The following NCKAP5 variants were observed in gnomAD, a reference collection of about 807,000 sequenced individuals.
NCKAP5 encodes the protein nck-associated protein 5.
In NCKAP5, 92 loss-of-function variants were observed where a neutral mutation model predicts 167.0. The observed-to-expected ratio is 0.55, with a 90% CI of 0.47 to 0.66. The LOEUF is 0.66. Ranked by LOEUF, NCKAP5 falls within the 30% of genes least tolerant of loss-of-function variation. NCKAP5 has a pLI of 0.00. For synonymous variants in NCKAP5, 891 were observed against 877.4 expected (o/e 1.02, Z -0.27); for missense variants, 2,378 against 2,315.0 (o/e 1.03, Z -0.56).
At position 132,916,285 on chromosome 2, in the gene NCKAP5, G is replaced by A. The variant is rs751893834; in HGVS notation, c.580-37369C>T. ...TAGACTGACCACAGAATTTATGATC[G>A]AATGTGACAGAGGGCGTTAGCTGGA... On this transcript the variant is annotated intron_variant, in intron 8 of 19. Transcript: ENST00000409261. 1.1e-4 allele frequency among the ~76,000 whole-genome samples: 17 copies of A among 152,094 alleles called. 1 individual carries two copies. Among genetic ancestry groups the A allele is most frequent in the South Asian group, 2.1e-4 (1 of 4,810 alleles).
intron 19 of NCKAP5, among the ~76,000 whole-genome samples, chr2:132,717,922 C>T (rs1281943411): frequency 6.6e-6 from 1 of 152,104 alleles, no homozygotes; most frequent in Non-Finnish European, 1.5e-5. Flanking sequence ...AAACTGAGCC[C>T]TTTGTTGTGG....
At chr2:132,974,619 A>T (rs997789197) in intron 7 of NCKAP5, among the ~76,000 whole-genome samples, 6 of 152,152 alleles carry the variant, frequency 3.9e-5, no homozygotes, top group African/African-American at 1.4e-4. Flanking sequence ...AGACTCGGTG[A>T]CCTCTTTTGG....
At chr2:132,864,184 C>T (rs1315040259) in intron 10 of NCKAP5, among the ~76,000 whole-genome samples, 7 of 152,168 alleles carry the variant, frequency 4.6e-5, no homozygotes, top group Non-Finnish European at 8.8e-5. Context: ...TATGTATCCT[C>T]TCTCATAATC....
At chr2:133,649,654 T>A in the NCKAP5 span, among the ~76,000 whole-genome samples, 13 of 152,080 alleles carry the variant, frequency 8.5e-5, no homozygotes, top group Admixed American at 8.5e-4. Flanking sequence ...ATTATTTCAA[T>A]AGATATAGAA....
At chr2:133,033,759 G>A (rs1272745903) in intron 6 of NCKAP5, among the ~76,000 whole-genome samples, 1 of 151,874 alleles carries the variant, frequency 6.6e-6, no homozygotes, top group East Asian at 1.9e-4. Context: ...CAGCAGAATT[G>A]GTCAAGCAGA....
intron 16 of NCKAP5, among the ~76,000 whole-genome samples, chr2:132,768,408 T>C (rs918699286): frequency 6.6e-6 from 1 of 152,156 alleles, no homozygotes; most frequent in Non-Finnish European, 1.5e-5. Flanking sequence ...AGTAGACAAT[T>C]AGTACAATAC....
chr2:133,384,599 A>C (rs1221746416), intron 3 of NCKAP5, among the ~76,000 whole-genome samples: 1 of 152,186 alleles, frequency 6.6e-6, no homozygotes, highest in South Asian at 2.1e-4. Flanking sequence ...GAAGAAAGGC[A>C]TTGGTAGCTT....
intron 19 of NCKAP5, among the ~76,000 whole-genome samples, chr2:132,721,616 T>C (rs1032263818): frequency 6.6e-6 from 1 of 152,230 alleles, no homozygotes; most frequent in Admixed American, 6.5e-5. Context: ...GTTTCTATTT[T>C]CTTTTTATAC....
At chr2:132,678,509 C>A (rs1252029997) in intron 19 of NCKAP5, among the ~76,000 whole-genome samples, 3 of 152,196 alleles carry the variant, frequency 2.0e-5, no homozygotes, top group South Asian at 4.2e-4. Context: ...AACATAATTT[C>A]TTATTTCTCT....
At chr2:132,817,115 A>T (rs1275655455) in intron 11 of NCKAP5, among the ~76,000 whole-genome samples, 6 of 152,224 alleles carry the variant, frequency 3.9e-5, no homozygotes, top group Non-Finnish European at 8.8e-5. Context: ...ACTATGCCAC[A>T]TGGCACCAAA....
Position 132,783,170 on chromosome 2 carries a change from T to C in NCKAP5, c.3641A>G (p.Gln1214Arg). The C allele has an allele frequency of 6.2e-7, 1 of 1,613,830 alleles. No individual in the cohort carries two copies. Among genetic ancestry groups the C allele is most frequent in the Non-Finnish European group, 8.5e-7 (1 of 1,179,838 alleles). Residue 1214 changes from glutamine (Q) to arginine (R), a missense_variant, in exon 14 of 20, where the codon CAA (glutamine) becomes CGA (arginine). Around this residue, in one of 3 missense-constraint regions of NCKAP5, gnomAD observed 1,325 missense variants for 1,274.5 expected, o/e 1.04. Coordinates refer to ENST00000409261, the MANE Select transcript of NCKAP5 (RefSeq NM_207363.3). ...CCCATCAGCTAAACTGCCCTGTGCT[T>C]GTGAATCCGGTAGGGTCACATTTCT... The part of the protein sequence containing the change: ...GERNVTLPDS[Q>R]AQGSLADGLP...
chr2:132,842,482 G>T (rs1688360174), intron 11 of NCKAP5, among the ~76,000 whole-genome samples: 1 of 151,448 alleles, frequency 6.6e-6, no homozygotes, highest in African/African-American at 2.4e-5. Context: ...AATAAATTTT[G>T]CTACTTTATT....
At chr2:132,685,706 C>A (rs1212077472) in intron 19 of NCKAP5, among the ~76,000 whole-genome samples, 1 of 152,134 alleles carries the variant, frequency 6.6e-6, no homozygotes, top group Non-Finnish European at 1.5e-5. Flanking sequence ...GCAAAAGAAG[C>A]TTTCTGTCTG....
intron 11 of NCKAP5, among the ~76,000 whole-genome samples, chr2:132,802,306 G>T (rs1685104209): frequency 6.6e-6 from 1 of 152,166 alleles, no homozygotes; most frequent in South Asian, 2.1e-4. Flanking sequence ...AAATCTAGTG[G>T]ACTGGATGTT....
At chr2:133,370,480 G>A (rs1685731963) in intron 3 of NCKAP5, among the ~76,000 whole-genome samples, 1 of 152,108 alleles carries the variant, frequency 6.6e-6, no homozygotes, top group Non-Finnish European at 1.5e-5. Flanking sequence ...AATATAAAGG[G>A]TAAGTAGAGG....
intron 3 of NCKAP5, among the ~76,000 whole-genome samples, chr2:133,468,234 G>A (rs942293144): frequency 2.1e-5 from 3 of 140,104 alleles, no homozygotes; most frequent in Non-Finnish European, 4.6e-5. Flanking sequence ...TGGTTTCAAA[G>A]AACATTTTTA....
intron 6 of NCKAP5, among the ~76,000 whole-genome samples, chr2:133,110,555 G>A (rs572560852): frequency 3.9e-5 from 6 of 152,248 alleles, no homozygotes; most frequent in African/African-American, 1.2e-4. Context: ...CTGTTAGGGC[G>A]AGAAAAAGCA....
chr2:133,088,776 C>T (rs562605068), intron 6 of NCKAP5, among the ~76,000 whole-genome samples: 19 of 152,140 alleles, frequency 1.2e-4, no homozygotes, highest in Admixed American at 3.3e-4. Flanking sequence ...TGTAATAAAA[C>T]GATATGTACA....
chr2:133,223,393 C>T (rs184971328), intron 4 of NCKAP5, among the ~76,000 whole-genome samples: 1 of 152,232 alleles, frequency 6.6e-6, no homozygotes, highest in Non-Finnish European at 1.5e-5. Context: ...TCTCCCCACA[C>T]AGAAGTGCCC....
Sources: allele counts gnomAD v4.1 joint callset (sites outside exome capture counted in the v4.1 genomes callset), GRCh38; gene constraint gnomAD v4.1.1; regional missense constraint gnomAD v4.1.1; transcripts MANE v1.5; gene names NCBI Gene and HGNC (gene_info 2026-07-23, HGNC 2026-07-21).